RPA1: variants seen among roughly 807,000 people sequenced by gnomAD.
The protein encoded by RPA1 is replication protein A 70 kDa DNA-binding subunit.
RPA1 carries 49 observed loss-of-function variants against 83.0 expected under a neutral mutation model. The ratio of observed to expected loss-of-function variants is 0.59; its 90% CI spans 0.47 to 0.75. RPA1 has a LOEUF of 0.75. Ranked by LOEUF, RPA1 falls within the 30% of genes least tolerant of loss-of-function variation. The pLI is 0.00. For missense variants in RPA1, 693 were observed against 776.1 expected (o/e 0.89, Z 1.27); for synonymous variants, 279 against 281.8 (o/e 0.99, Z 0.10).
chr17:1,897,268 C>T lies in RPA1; in HGVS notation c.*93C>T. On this transcript the variant is annotated 3_prime_UTR_variant, in exon 17 of 17. Transcript: ENST00000254719. ...GTGTGACGATCCCATGTTAGCTACA[C>T]AGTGCAGAGGCTCTTGATGGTGGAC... is the stretch of plus-strand genomic sequence containing the variant. 1.1e-6 allele frequency: 1 copy of T among 951,894 alleles called. No homozygotes were observed. The highest frequency in any genetic ancestry group is 1.6e-6 in the Non-Finnish European group (1 of 625,330). 59.0% of individuals were successfully genotyped at this position (951,894 alleles called of 1,614,324 possible).
chr17:1,861,137 G>A lies in RPA1; in HGVS notation c.361+7948G>A, dbSNP rs1912946603. Among the ~76,000 whole-genome samples the A allele has an allele frequency of 3.3e-5, 5 of 152,074 alleles. No homozygotes were observed. The South Asian group carries it at 6.2e-4, about 19-fold the overall frequency. On this transcript the variant is annotated intron_variant, in intron 5 of 16. Transcript: ENST00000254719. ...TCAGATCGTGTCCACACACACACAC[G>A]GGCCAACCAGGACTCTGCTGACTAC... is the stretch of plus-strand genomic sequence containing the variant.
intron 13 of RPA1, among the ~76,000 whole-genome samples, chr17:1,887,188 C>T (rs1325787929): frequency 6.6e-6 from 1 of 152,178 alleles, no homozygotes; most frequent in African/African-American, 2.4e-5. Context: ...ATACATACAA[C>T]ATTCATCAAT....
intron 15 of RPA1, among the ~76,000 whole-genome samples, chr17:1,893,003 G>A (rs1245543307): frequency 6.6e-6 from 1 of 152,156 alleles, no homozygotes; most frequent in Non-Finnish European, 1.5e-5. Flanking sequence ...ACTTGTAAAG[G>A]CCACAAAGAT....
At chr17:1,880,020 G>A (rs1481640137) in intron 11 of RPA1, among the ~76,000 whole-genome samples, 1 of 145,786 alleles carries the variant, frequency 6.9e-6, no homozygotes, top group South Asian at 2.2e-4. Context: ...GGCGGAGGGG[G>A]CGTCTGTTCC....
In RPA1 at chr17:1,872,278, C is replaced by T. The variant is rs185934409; in HGVS notation, c.362-156C>T. On this transcript the variant is annotated intron_variant, in intron 5 of 16. Transcript: ENST00000254719. ...AAAAGTGAACCCCTAGCAAATTCAC[C>T]GAGTGCCATGGAATGCCTCAGCACG... 7.5e-4 allele frequency: 855 copies of T among 1,136,474 alleles called. 1 individual carries two copies. The highest frequency in any genetic ancestry group is 1.8e-3 in the Middle Eastern group (6 of 3,310). 70.4% of individuals were successfully genotyped at this position (1,136,474 alleles called of 1,614,324 possible). A position where few individuals can be genotyped will look rare whatever the true frequency, so the allele number is the denominator to read the frequency against.
In RPA1 at chr17:1,897,173, T is replaced by G; in HGVS notation, c.1849T>G (p.Ter617GlyextTer29). 6.4e-7 allele frequency: 1 copy of G among 1,551,938 alleles called. No individual in the cohort carries two copies. Among genetic ancestry groups the G allele is most frequent in the East Asian group, 2.4e-5 (1 of 41,166 alleles). The change falls in exon 17 of 17, where the codon TGA becomes GGA. Residue 617 changes from the stop codon to glycine (G), a stop_lost. Coordinates refer to ENST00000254719, the MANE Select transcript of RPA1 (RefSeq NM_002945.5). ...GAGCATCAGGAGAAGTGCATTGATG[T>G]GAGAGGAGCAGTGCCAATCGGGCAG... ...VMSIRRSALM[*>G]
intron 14 of RPA1, 116 bp downstream of exon 14, chr17:1,888,967 G>A: frequency 9.1e-7 from 1 of 1,098,166 alleles, no homozygotes; most frequent in South Asian, 1.6e-5. Context: ...GCCCGCAGAT[G>A]AGTAGGTGTG....
chr17:1,833,434 T>G (rs1911695212), intron 1 of RPA1, among the ~76,000 whole-genome samples: 1 of 152,214 alleles, frequency 6.6e-6, no homozygotes, highest in Admixed American at 6.5e-5. Context: ...CAGGAAGAAC[T>G]ATTGTTGGAC....
intron 8 of RPA1, among the ~76,000 whole-genome samples, chr17:1,877,895 A>G (rs1050854623): frequency 6.6e-6 from 1 of 152,236 alleles, no homozygotes; most frequent in South Asian, 2.1e-4. Context: ...TGGAAGTACG[A>G]CAGTCTTGAT....
At chr17:1,846,311 C>CTTTTTTTTTT (rs71150823) in intron 4 of RPA1, among the ~76,000 whole-genome samples, 3 of 75,784 alleles carry the variant, frequency 4.0e-5, no homozygotes, top group Non-Finnish European at 7.0e-5. Context: ...GGAAGCTTTG[C>CTTTTTTTTTT]TTTTTTTTTT....
intron 1 of RPA1, among the ~76,000 whole-genome samples, chr17:1,831,736 C>T (rs1407505662): frequency 1.3e-5 from 2 of 148,496 alleles, no homozygotes; most frequent in East Asian, 2.0e-4. Flanking sequence ...ATAGCTGGGA[C>T]TACAGGTACC....
chr17:1,879,116 A>T, intron 9 of RPA1, 55 bp downstream of exon 9: 1 of 1,612,482 alleles, frequency 6.2e-7, no homozygotes, highest in Non-Finnish European at 8.5e-7. Flanking sequence ...GTGCGGATGA[A>T]AAGACGCTGG....
chr17:1,887,270 A>C (rs930133177), intron 13 of RPA1, among the ~76,000 whole-genome samples: 14 of 152,064 alleles, frequency 9.2e-5, no homozygotes, highest in Admixed American at 9.2e-4. Context: ...GTTAAAGATC[A>C]CTGTAGGCCA....
intron 1 of RPA1, among the ~76,000 whole-genome samples, chr17:1,839,918 G>C (rs770308442): frequency 2.1e-5 from 3 of 145,760 alleles, no homozygotes; most frequent in Non-Finnish European, 4.5e-5. Flanking sequence ...TCAGCCTCTC[G>C]AGTAGCTGGG....
chr17:1,842,139 G>A (rs1340424467), intron 1 of RPA1, among the ~76,000 whole-genome samples: 1 of 152,048 alleles, frequency 6.6e-6, no homozygotes, highest in East Asian at 1.9e-4. Flanking sequence ...TTATAGGCAT[G>A]AACCTCTGCA....
Position 1,888,677 on chromosome 17 carries a change from G to A in RPA1, c.1377G>A (p.Pro459=), listed in dbSNP as rs776764488. ...CATGCTGTTCTTTTCTCCCGAAGCC[G>A]GACTACTTTAGTTCTGTGGCCACAG... ...KSENLGQGDK[P]DYFSSVATVV... is the part of the protein sequence containing the mutation. Residue 459 remains proline, a splice_region_variant and synonymous_variant, in exon 14 of 17, where the codon CCG becomes CCA. Coordinates refer to ENST00000254719, the MANE Select transcript of RPA1 (RefSeq NM_002945.5). 1.6e-5 allele frequency: 25 copies of A among 1,608,182 alleles called. No homozygotes were observed. Among genetic ancestry groups the A allele is most frequent in the South Asian group, 8.8e-5 (8 of 90,814 alleles).
At chr17:1,857,252 T>C (rs1198769912) in intron 5 of RPA1, among the ~76,000 whole-genome samples, 2 of 123,220 alleles carry the variant, frequency 1.6e-5, no homozygotes, top group Non-Finnish European at 3.2e-5. Flanking sequence ...TTTCTCTTTT[T>C]TTCTTTTTCT....
intron 5 of RPA1, among the ~76,000 whole-genome samples, chr17:1,857,309 T>C (rs965509973): frequency 2.6e-5 from 4 of 151,344 alleles, no homozygotes; most frequent in African/African-American, 9.7e-5. Context: ...TAATTCAGTT[T>C]CAGAAAAAAA....
In RPA1 at chr17:1,882,473, G is replaced by A. The variant is rs1306423618; in HGVS notation, c.1242-1339G>A. Among the ~76,000 whole-genome samples, 5 of 151,928 alleles carry A rather than the reference G, an allele frequency of 3.3e-5. No individual in the cohort carries two copies. In the East Asian group the frequency reaches 5.8e-4, roughly 18 times the overall value. On this transcript the variant is annotated intron_variant, in intron 12 of 16. Coordinates refer to ENST00000254719, the MANE Select transcript of RPA1 (RefSeq NM_002945.5). Reference sequence around the variant, plus strand: ...AGTTCAAGACCAGCCTGGCCAACATGGTGAAACCTCGTCTCTACAAAAAAT... The same window carrying A: ...AGTTCAAGACCAGCCTGGCCAACATAGTGAAACCTCGTCTCTACAAAAAAT...
Sources: gnomAD v4.1 joint callset for allele counts (sites outside exome capture counted in the v4.1 genomes callset) on GRCh38, gnomAD v4.1.1 for gene constraint, MANE v1.5 for transcripts, NCBI Gene and HGNC (gene_info 2026-07-23, HGNC 2026-07-21) for gene names.